Variants in DPP6 observed in about 807,000 individuals in gnomAD.
DPP6 encodes dipeptidyl peptidase like 6.
A neutral mutation model predicts 122.6 loss-of-function variants in DPP6; 69 were observed. The ratio of observed to expected loss-of-function variants is 0.56; its 90% CI spans 0.46 to 0.69. The LOEUF is 0.69. Ranked by LOEUF, DPP6 falls within the 30% of genes least tolerant of loss-of-function variation. The pLI is 0.00. For missense variants in DPP6, 928 were observed against 1,116.9 expected, an observed-to-expected ratio of 0.83 and a Z score of 2.41; for synonymous variants, 418 against 433.1, an observed-to-expected ratio of 0.97 and a Z score of 0.43.
chr7:154,221,835 C>T (rs1189360674), intron 1 of DPP6, among the ~76,000 whole-genome samples: 1 of 152,014 alleles, frequency 6.6e-6, no homozygotes, highest in Non-Finnish European at 1.5e-5. Context: ...GAGGGCTTTT[C>T]AGAGATAATA....
intron 8 of DPP6, among the ~76,000 whole-genome samples, chr7:154,747,486 AG>A (rs1476387031): frequency 6.6e-6 from 1 of 152,226 alleles, no homozygotes; most frequent in Non-Finnish European, 1.5e-5. Flanking sequence ...TTCACCTGTC[AG>A]ACCTCAGTTT....
chr7:154,192,786 T>C (rs1291345017), intron 1 of DPP6, among the ~76,000 whole-genome samples: 3 of 152,216 alleles, frequency 2.0e-5, no homozygotes, highest in Non-Finnish European at 4.4e-5. Context: ...ACAGGAATTA[T>C]TTTACTCCAG....
intron 1 of DPP6, among the ~76,000 whole-genome samples, chr7:154,031,690 C>G (rs1255262213): frequency 6.6e-6 from 1 of 151,872 alleles, no homozygotes; most frequent in Non-Finnish European, 1.5e-5. Flanking sequence ...TTCAGGGGCA[C>G]GACCTAAAGG....
At chr7:153,791,075 C>T in the DPP6 span, among the ~76,000 whole-genome samples, 1 of 152,190 alleles carries the variant, frequency 6.6e-6, no homozygotes, top group Non-Finnish European at 1.5e-5. Context: ...TTTTATTCAT[C>T]TTTGTGCCAA....
intron 1 of DPP6, among the ~76,000 whole-genome samples, chr7:154,257,451 T>C (rs1439971356): frequency 6.6e-6 from 1 of 151,980 alleles, no homozygotes; most frequent in Non-Finnish European, 1.5e-5. Context: ...TCCCAGCACT[T>C]TGGGAGGCTG....
At chr7:154,496,619 G>A (rs536329427) in intron 3 of DPP6, among the ~76,000 whole-genome samples, 2 of 152,312 alleles carry the variant, frequency 1.3e-5, no homozygotes, top group East Asian at 3.9e-4. Context: ...CTCTGGAAGA[G>A]GTTTTGTGAA....
chr7:153,812,280 C>T, the DPP6 span, among the ~76,000 whole-genome samples: 1 of 151,886 alleles, frequency 6.6e-6, no homozygotes, highest in Non-Finnish European at 1.5e-5. Flanking sequence ...AACATTTGGG[C>T]CAGGGGAGGG....
chr7:154,415,700 A>T (rs1238961508), intron 1 of DPP6, among the ~76,000 whole-genome samples: 1 of 149,578 alleles, frequency 6.7e-6, no homozygotes, highest in Non-Finnish European at 1.5e-5. Context: ...ATCTATTGAT[A>T]GTAGCGTTGG....
intron 6 of DPP6, among the ~76,000 whole-genome samples, chr7:154,649,005 A>G (rs1836694679): frequency 6.6e-6 from 1 of 152,130 alleles, no homozygotes. Flanking sequence ...GCTCCCCACA[A>G]GCAAGACTCA....
chr7:154,665,571 A>G lies in DPP6; in HGVS notation c.681-3789A>G, dbSNP rs11980151. Among the ~76,000 whole-genome samples, 689 of 152,136 alleles carry G rather than the reference A, an allele frequency of 4.5e-3. 4 individuals carry two copies. Among genetic ancestry groups the G allele is most frequent in the African/African-American group, 0.015 (640 of 41,518 alleles). On this transcript the variant is annotated intron_variant, in intron 6 of 25. Transcript: ENST00000377770. ...TTTTCCCTGCCCCAGCCCAGATACA[A>G]TTGCTCCTCCCAGAAGCCCTATTTT...
intron 1 of DPP6, among the ~76,000 whole-genome samples, chr7:154,433,712 T>C (rs1242116633): frequency 6.6e-6 from 1 of 152,212 alleles, no homozygotes; most frequent in Non-Finnish European, 1.5e-5. Flanking sequence ...ATTATTTCTT[T>C]TGTCCAAAAT....
intron 1 of DPP6, among the ~76,000 whole-genome samples, chr7:154,062,313 C>A: frequency 1.3e-5 from 1 of 76,164 alleles, no homozygotes; most frequent in East Asian, 3.4e-4. Flanking sequence ...TCTGAGGACC[C>A]CCATCGCAGG....
rs989188552 is a variant in DPP6 at position 153,948,703 on chromosome 7, G to A, written c.51+60969G>A. Among the ~76,000 whole-genome samples the A allele has an allele frequency of 1.4e-4, 20 of 147,294 alleles. No individual in the cohort carries two copies. In the East Asian group the frequency reaches 3.2e-3, roughly 23 times the overall value. The stretch of plus-strand genomic sequence containing the variant: ...AAAATATAATACAACTTAAACAAAG[G>A]TCCCACTTACCTGTCCTCTATAATA... On this transcript the variant is annotated intron_variant, in intron 1 of 25. Transcript: ENST00000404039.
intron 1 of DPP6, among the ~76,000 whole-genome samples, chr7:153,994,701 A>T (rs923340842): frequency 6.6e-6 from 1 of 152,238 alleles, no homozygotes; most frequent in African/African-American, 2.4e-5. Flanking sequence ...TAATTTCATG[A>T]GAAATTCTGA....
At chr7:154,381,396 C>T (rs1813592162) in intron 1 of DPP6, among the ~76,000 whole-genome samples, 1 of 152,192 alleles carries the variant, frequency 6.6e-6, no homozygotes, top group African/African-American at 2.4e-5. Context: ...TCTGTTTGAT[C>T]AACTCATATA....
At chr7:153,991,634 A>G (rs1438325886) in intron 1 of DPP6, among the ~76,000 whole-genome samples, 1 of 152,190 alleles carries the variant, frequency 6.6e-6, no homozygotes, top group African/African-American at 2.4e-5. Context: ...ACTTTGTCCA[A>G]TCCTGCATGT....
chr7:154,347,171 G>A (rs1327748638), intron 1 of DPP6, among the ~76,000 whole-genome samples: 1 of 152,204 alleles, frequency 6.6e-6, no homozygotes, highest in Admixed American at 6.5e-5. Flanking sequence ...CAGGAGACCT[G>A]TTCTTAGCAT....
intron 5 of DPP6, among the ~76,000 whole-genome samples, chr7:154,610,771 C>T (rs1040973106): frequency 3.3e-5 from 5 of 149,784 alleles, no homozygotes; most frequent in South Asian, 4.2e-4. Flanking sequence ...TTGCGTTTCT[C>T]ATCTGGAAAA....
the DPP6 span, among the ~76,000 whole-genome samples, chr7:153,814,433 C>A: frequency 3.3e-5 from 5 of 152,226 alleles, no homozygotes; most frequent in Admixed American, 6.5e-5. Flanking sequence ...CTGAATACAC[C>A]AATAACAGGC....
Sources: gnomAD v4.1 joint callset for allele counts (sites outside exome capture counted in the v4.1 genomes callset) on GRCh38, gnomAD v4.1.1 for gene constraint, MANE v1.5 for transcripts, NCBI Gene and HGNC (gene_info 2026-07-23, HGNC 2026-07-21) for gene names.